LARGE1: variants seen among roughly 807,000 people sequenced by gnomAD.
LARGE1 encodes xylosyl- and glucuronyltransferase LARGE1.
LARGE1 carries 43 observed loss-of-function variants against 87.6 expected under a neutral mutation model. The ratio of observed to expected loss-of-function variants is 0.49; its 90% CI spans 0.38 to 0.63. LARGE1 has a LOEUF of 0.63. LARGE1 is among the 30% of genes least tolerant of loss of function. LARGE1 has a pLI of 0.00. For synonymous variants in LARGE1, 434 were observed against 394.6 expected (o/e 1.10, Z -1.18); for missense variants, 802 against 1,000.2 (o/e 0.80, Z 2.67).
chr22:33,075,809 T>C, the LARGE1 span, among the ~76,000 whole-genome samples: 2 of 152,174 alleles, frequency 1.3e-5, no homozygotes, highest in Non-Finnish European at 2.9e-5. Flanking sequence ...TATAATTGAA[T>C]AGGATTAGAG....
intron 2 of LARGE1, among the ~76,000 whole-genome samples, chr22:33,757,913 T>C (rs1437726810): frequency 2.0e-5 from 3 of 152,194 alleles, no homozygotes; most frequent in African/African-American, 7.2e-5. Flanking sequence ...TGTGTTCTGA[T>C]AAATACTCAG....
At chr22:33,228,003 T>A (rs945743607) in intron 11 of LARGE1, among the ~76,000 whole-genome samples, 1 of 152,374 alleles carries the variant, frequency 6.6e-6, no homozygotes, top group Non-Finnish European at 1.5e-5. Flanking sequence ...GTCAACATAT[T>A]TCTATTCATT....
intron 2 of LARGE1, among the ~76,000 whole-genome samples, chr22:33,711,325 T>C (rs989185930): frequency 2.0e-5 from 3 of 152,174 alleles, no homozygotes; most frequent in Non-Finnish European, 2.9e-5. Flanking sequence ...TTAGAATGGA[T>C]TGGTCTCTTT....
chr22:33,560,675 C>T (rs1275352218), intron 6 of LARGE1, among the ~76,000 whole-genome samples: 1 of 152,080 alleles, frequency 6.6e-6, no homozygotes, highest in Non-Finnish European at 1.5e-5. Context: ...CAGTCACACC[C>T]GTTCTAAGTG....
chr22:33,695,900 A>G (rs183906881), intron 2 of LARGE1, among the ~76,000 whole-genome samples: 3 of 152,156 alleles, frequency 2.0e-5, no homozygotes, highest in African/African-American at 7.2e-5. Flanking sequence ...GCATCCTCCC[A>G]CCATAGGCAA....
In LARGE1 at chr22:33,660,843, A is replaced by G. The variant is rs542435487; in HGVS notation, c.107-10175T>C. ...AGCAGCACTCAAGATGAAAGATTTC[A>G]TAAGTGTTTTTTCCACTGATTTAAT... On this transcript the variant is annotated intron_variant, in intron 2 of 14. Transcript: ENST00000397394. Among the ~76,000 whole-genome samples, 88 of 152,352 alleles carry G rather than the reference A, an allele frequency of 5.8e-4. No homozygotes were observed. The South Asian group carries it at 9.7e-3, about 17-fold the overall frequency.
At chr22:33,806,962 A>T (rs2086330797) in intron 1 of LARGE1, among the ~76,000 whole-genome samples, 1 of 151,906 alleles carries the variant, frequency 6.6e-6, no homozygotes, top group Non-Finnish European at 1.5e-5. Context: ...GCGAGCTGAG[A>T]TCTCACCATT....
intron 1 of LARGE1, among the ~76,000 whole-genome samples, chr22:33,822,769 A>C (rs1300227269): frequency 6.6e-6 from 1 of 152,210 alleles, no homozygotes; most frequent in African/African-American, 2.4e-5. Context: ...GGAAGTCGTT[A>C]AGGCTATCAG....
Position 33,408,511 on chromosome 22 carries a change from C to T in LARGE1, c.892+23650G>A, listed in dbSNP as rs1009390654. 2.1e-4 allele frequency among the ~76,000 whole-genome samples: 32 copies of T among 152,082 alleles called. 1 individual carries two copies. Among genetic ancestry groups the T allele is most frequent in the Admixed American group, 2.0e-3 (31 of 15,262 alleles). On this transcript the variant is annotated intron_variant, in intron 7 of 14. Transcript: ENST00000397394. The stretch of plus-strand genomic sequence containing the variant: ...CATATAAGTGTGAGAATCATGTCTT[C>T]GTGGCCTTCCCCTATTTATCAGGGT...
At chr22:33,642,985 T>G (rs1003127152) in intron 3 of LARGE1, among the ~76,000 whole-genome samples, 23 of 152,088 alleles carry the variant, frequency 1.5e-4, no homozygotes. Flanking sequence ...ATTAGACAGA[T>G]CAATGAGCAG....
At chr22:33,849,355 CCAT>C (rs2063519638) in intron 1 of LARGE1, among the ~76,000 whole-genome samples, 1 of 152,102 alleles carries the variant, frequency 6.6e-6, no homozygotes, top group Admixed American at 6.6e-5. Context: ...TCCCAGCACC[CCAT>C]CATCTTCACC....
chr22:33,174,983 G>T (rs907900663), intron 11 of LARGE1, among the ~76,000 whole-genome samples: 2 of 152,158 alleles, frequency 1.3e-5, no homozygotes, highest in African/African-American at 2.4e-5. Flanking sequence ...CTCATTTTAT[G>T]AGGCCAACAT....
intron 3 of LARGE1, among the ~76,000 whole-genome samples, chr22:33,636,477 C>T (rs754866136): frequency 8.5e-5 from 13 of 152,160 alleles, no homozygotes; most frequent in East Asian, 1.9e-4. Context: ...CATTTCAAGA[C>T]GTAACTCCAC....
intron 1 of LARGE1, among the ~76,000 whole-genome samples, chr22:33,828,104 G>C (rs2062852418): frequency 6.6e-6 from 1 of 152,226 alleles, no homozygotes; most frequent in Admixed American, 6.5e-5. Flanking sequence ...AAGAGACGCA[G>C]TGTAAAGGAA....
intron 6 of LARGE1, among the ~76,000 whole-genome samples, chr22:33,474,838 A>G (rs1307043415): frequency 6.6e-6 from 1 of 152,226 alleles, no homozygotes; most frequent in East Asian, 1.9e-4. Flanking sequence ...CTCAGCTGTC[A>G]GCAAGATGGC....
chr22:33,414,253 A>T (rs1167663518), intron 7 of LARGE1, among the ~76,000 whole-genome samples: 2 of 152,218 alleles, frequency 1.3e-5, no homozygotes, highest in Non-Finnish European at 2.9e-5. Context: ...TGAGATATTT[A>T]AAATGGTCAA....
chr22:33,684,920 G>C (rs1312259291), intron 2 of LARGE1, among the ~76,000 whole-genome samples: 1 of 152,194 alleles, frequency 6.6e-6, no homozygotes, highest in African/African-American at 2.4e-5. Context: ...GGTGATGAAT[G>C]ATGTCTGCTG....
intron 11 of LARGE1, among the ~76,000 whole-genome samples, chr22:33,312,384 G>A (rs768159364): frequency 1.3e-5 from 2 of 148,980 alleles, no homozygotes; most frequent in Non-Finnish European, 3.0e-5. Context: ...AGGCTGCAGT[G>A]AGCCGAGATT....
intron 1 of LARGE1, among the ~76,000 whole-genome samples, chr22:33,805,656 C>A (rs367762631): frequency 5.1e-4 from 78 of 152,080 alleles, no homozygotes; most frequent in Non-Finnish European, 1.1e-3. Flanking sequence ...ATTCCTTGAA[C>A]CCGGGAGGCA....
Sources: allele counts gnomAD v4.1 joint callset (sites outside exome capture counted in the v4.1 genomes callset), GRCh38; gene constraint gnomAD v4.1.1; transcripts MANE v1.5; gene names NCBI Gene and HGNC (gene_info 2026-07-23, HGNC 2026-07-21).